Variants in PTPRD observed in about 807,000 individuals in gnomAD.
PTPRD encodes the protein protein tyrosine phosphatase receptor type D.
In PTPRD, 34 loss-of-function variants were observed where a neutral mutation model predicts 214.5. The observed-to-expected ratio is 0.16, with a 90% CI of 0.12 to 0.21. The LOEUF (loss-of-function observed/expected upper bound fraction) is 0.21, where lower values mean the gene tolerates loss of function less well. Among genes scored for constraint, PTPRD ranks in the 10% least tolerant of loss-of-function variants. The pLI, the probability that PTPRD is intolerant of heterozygous loss-of-function variation, is 1.00. For synonymous variants in PTPRD, 1,128 were observed against 845.7 expected (o/e 1.33, Z -5.79); for missense variants, 2,545 against 2,398.7 (o/e 1.06, Z -1.27).
chr9:9,316,090 C>A (rs914756611), intron 9 of PTPRD, among the ~76,000 whole-genome samples: 4 of 151,700 alleles, frequency 2.6e-5, no homozygotes, highest in Non-Finnish European at 5.9e-5. Flanking sequence ...TACATATTGA[C>A]AGTCAATTAG....
intron 2 of PTPRD, among the ~76,000 whole-genome samples, chr9:10,425,370 C>T (rs1230729144): frequency 6.6e-6 from 1 of 151,910 alleles, no homozygotes; most frequent in Non-Finnish European, 1.5e-5. Context: ...TCATAGTCAC[C>T]AGAACATTCT....
chr9:9,049,830 T>G (rs1047967425), intron 10 of PTPRD, among the ~76,000 whole-genome samples: 2 of 152,144 alleles, frequency 1.3e-5, no homozygotes, highest in African/African-American at 2.4e-5. Context: ...TTGTTAGAAA[T>G]CATGACTACC....
chr9:10,034,571 C>G (rs545268871), intron 3 of PTPRD, among the ~76,000 whole-genome samples: 1 of 152,042 alleles, frequency 6.6e-6, no homozygotes, highest in South Asian at 2.1e-4. Flanking sequence ...CCTCTCCCTC[C>G]TCTCAACCTC....
In PTPRD at chr9:9,655,218, G is replaced by T. The variant is rs559804043; in HGVS notation, c.-287+79315C>A. 2.6e-4 allele frequency among the ~76,000 whole-genome samples: 40 copies of T among 152,212 alleles called. 1 individual carries two copies. The highest frequency in any genetic ancestry group is 5.9e-4 in the Admixed American group (9 of 15,284). ...CACAAGATATAGCTGATAAAAAACT[G>T]TTATCCAAAATATGCAAAGAACTCT... On this transcript the variant is annotated intron_variant, in intron 7 of 45. Coordinates refer to ENST00000381196, the MANE Select transcript of PTPRD (RefSeq NM_002839.4).
intron 7 of PTPRD, among the ~76,000 whole-genome samples, chr9:9,714,599 C>A (rs1409943845): frequency 2.6e-5 from 4 of 152,092 alleles, no homozygotes; most frequent in Admixed American, 6.6e-5. Flanking sequence ...TTTAGCATAT[C>A]TTGCAGAAAA....
intron 20 of PTPRD, among the ~76,000 whole-genome samples, 174 bp downstream of exon 20, chr9:8,521,103 C>A (rs928046519): frequency 1.3e-5 from 2 of 152,044 alleles, no homozygotes; most frequent in African/African-American, 4.8e-5. Flanking sequence ...AGAAAAAATC[C>A]GCCTATCTAG....
intron 3 of PTPRD, among the ~76,000 whole-genome samples, chr9:10,085,744 A>G (rs2098326818): frequency 6.6e-6 from 1 of 151,586 alleles, no homozygotes; most frequent in Non-Finnish European, 1.5e-5. Context: ...CTTAGCAACA[A>G]CTCCCCAGGT....
intron 7 of PTPRD, among the ~76,000 whole-genome samples, chr9:9,580,754 G>A (rs990635038): frequency 6.6e-6 from 1 of 151,788 alleles, no homozygotes; most frequent in African/African-American, 2.4e-5. Flanking sequence ...TCAGCACGTT[G>A]GCCAGGGTGG....
At chr9:9,330,513 T>C (rs992377181) in intron 9 of PTPRD, among the ~76,000 whole-genome samples, 1 of 152,124 alleles carries the variant, frequency 6.6e-6, no homozygotes, top group African/African-American at 2.4e-5. Context: ...AAAACTTGTA[T>C]TTAATGTGAA....
chr9:9,928,937 C>T (rs2048114288), intron 5 of PTPRD, among the ~76,000 whole-genome samples: 1 of 152,022 alleles, frequency 6.6e-6, no homozygotes, highest in Admixed American at 6.6e-5. Context: ...TTGTAAAAGG[C>T]TTTCACAAAT....
chr9:9,300,453 G>A (rs565219892), intron 9 of PTPRD, among the ~76,000 whole-genome samples: 49 of 151,650 alleles, frequency 3.2e-4, no homozygotes, highest in Admixed American at 2.5e-3. Flanking sequence ...ACGTCATTTT[G>A]CTACATAAGC....
At chr9:8,598,566 T>C (rs1054147997) in intron 14 of PTPRD, among the ~76,000 whole-genome samples, 4 of 152,188 alleles carry the variant, frequency 2.6e-5, no homozygotes, top group East Asian at 3.8e-4. Context: ...TATGAAAGCA[T>C]AATATTTTTG....
At chr9:10,034,010 C>T (rs1424681044) in intron 3 of PTPRD, among the ~76,000 whole-genome samples, 1 of 151,996 alleles carries the variant, frequency 6.6e-6, no homozygotes. Context: ...AAAGAATATA[C>T]AGAATCTTTT....
chr9:8,954,194 C>T (rs566330748), intron 11 of PTPRD, among the ~76,000 whole-genome samples: 1 of 151,956 alleles, frequency 6.6e-6, no homozygotes, highest in African/African-American at 2.4e-5. Context: ...TTCTTTGCAG[C>T]AACATGCATG....
At chr9:8,917,388 C>A (rs563072120) in intron 11 of PTPRD, among the ~76,000 whole-genome samples, 2 of 151,502 alleles carry the variant, frequency 1.3e-5, no homozygotes, top group Non-Finnish European at 2.9e-5. Context: ...TCCACCACCT[C>A]GGCCTCCCAA....
chr9:8,342,852 G>A (rs1373229485), intron 39 of PTPRD, among the ~76,000 whole-genome samples: 2 of 152,064 alleles, frequency 1.3e-5, no homozygotes, highest in East Asian at 1.9e-4. Flanking sequence ...TTCTAAACAA[G>A]AAAGAAAAAG....
At chr9:8,723,090 C>G (rs2098519121) in intron 12 of PTPRD, among the ~76,000 whole-genome samples, 1 of 152,140 alleles carries the variant, frequency 6.6e-6, no homozygotes, top group South Asian at 2.1e-4. Flanking sequence ...TACATACTCT[C>G]CTATACCTAG....
intron 9 of PTPRD, among the ~76,000 whole-genome samples, chr9:9,332,576 G>GA (rs35299000): frequency 0.013 from 1,862 of 141,502 alleles, 44 homozygotes; most frequent in African/African-American, 0.044. Context: ...ATAGAAGTAA[G>GA]AAAAAAAAAA....
chr9:8,338,865 G>A (rs2132207458), intron 43 of PTPRD, 57 bp downstream of exon 43: 1 of 1,505,920 alleles, frequency 6.6e-7, no homozygotes, highest in Non-Finnish European at 9.0e-7. Flanking sequence ...GAGAGAGAGA[G>A]GTATCTTAGA....
Sources: allele counts gnomAD v4.1 joint callset (sites outside exome capture counted in the v4.1 genomes callset), GRCh38; gene constraint gnomAD v4.1.1; transcripts MANE v1.5; gene names NCBI Gene and HGNC (gene_info 2026-07-23, HGNC 2026-07-21).